The following PARP16 variants were observed in gnomAD, a reference collection of about 807,000 sequenced individuals.
The protein encoded by PARP16 is protein mono-ADP-ribosyltransferase PARP16.
Under a neutral mutation model 35.0 loss-of-function variants are expected in PARP16, and 31 were observed. The observed-to-expected ratio is 0.88, with a 90% CI of 0.66 to 1.19. The LOEUF (loss-of-function observed/expected upper bound fraction) is 1.19. Ranked by LOEUF, PARP16 falls within the 50% of genes most tolerant of loss-of-function variation. The pLI, the probability that PARP16 is intolerant of heterozygous loss-of-function variation, is 0.00. For missense variants in PARP16, 424 were observed against 411.2 expected (o/e 1.03, Z -0.27); for synonymous variants, 162 against 169.5 (o/e 0.96, Z 0.34).
chr15:65,266,444 C>T (rs1365997720), intron 3 of PARP16, 118 bp downstream of exon 3: 15 of 762,276 alleles, frequency 2.0e-5, no homozygotes, highest in Admixed American at 8.8e-5. Flanking sequence ...AGTGAGAAGG[C>T]GTTAGTAAAC....
At chr15:65,263,726 G>A (rs1377850606) in intron 3 of PARP16, among the ~76,000 whole-genome samples, 8 of 152,242 alleles carry the variant, frequency 5.3e-5, no homozygotes, top group African/African-American at 1.7e-4. Flanking sequence ...AAGGTTGCCA[G>A]TGAGGATTAA....
At chr15:65,283,297 T>C (rs1250943793) in intron 1 of PARP16, among the ~76,000 whole-genome samples, 1 of 151,942 alleles carries the variant, frequency 6.6e-6, no homozygotes, top group Non-Finnish European at 1.5e-5. Flanking sequence ...AAAAGCTGCA[T>C]TGTGAGTTTG....
intron 1 of PARP16, among the ~76,000 whole-genome samples, chr15:65,278,137 G>A (rs776000501): frequency 6.6e-6 from 1 of 152,130 alleles, no homozygotes; most frequent in African/African-American, 2.4e-5. Flanking sequence ...TGTCCCCCAG[G>A]GCCCGAGAGG....
chr15:65,266,503 C>G, intron 3 of PARP16, 59 bp downstream of exon 3: 1 of 1,419,922 alleles, frequency 7.0e-7, no homozygotes, highest in African/African-American at 1.4e-5. Context: ...CTCCCCCTCC[C>G]CACTCTCCCA....
At chr15:65,240,768 A>G (rs2089052084) in intron 3 of PARP16, among the ~76,000 whole-genome samples, 1 of 152,156 alleles carries the variant, frequency 6.6e-6, no homozygotes, top group Admixed American at 6.5e-5. Context: ...GTAAATACCT[A>G]GGAGAGAAGT....
intron 3 of PARP16, among the ~76,000 whole-genome samples, chr15:65,247,642 C>G (rs557667029): frequency 4.6e-5 from 7 of 152,198 alleles, no homozygotes; most frequent in African/African-American, 1.4e-4. Context: ...CCTCTCACCA[C>G]CCCAGCCTGT....
intron 2 of PARP16, among the ~76,000 whole-genome samples, chr15:65,269,056 T>G (rs1025404138): frequency 1.3e-5 from 2 of 151,756 alleles, no homozygotes; most frequent in Non-Finnish European, 2.9e-5. Flanking sequence ...GAGTTTAGTA[T>G]TATTTGGAAT....
chr15:65,246,527 C>G (rs1176068798), intron 3 of PARP16, among the ~76,000 whole-genome samples: 2 of 152,242 alleles, frequency 1.3e-5, no homozygotes, highest in African/African-American at 4.8e-5. Context: ...GCTGGTCAGG[C>G]AGGCACAGAC....
chr15:65,241,139 CTTTT>C (rs34888317), intron 3 of PARP16, among the ~76,000 whole-genome samples: 5 of 127,754 alleles, frequency 3.9e-5, no homozygotes, highest in Non-Finnish European at 4.9e-5. Flanking sequence ...CCTGTCCAAA[CTTTT>C]TTTTTTTTTT....
chr15:65,254,006 AG>A (rs1358442179), downstream of PARP16, among the ~76,000 whole-genome samples: 1 of 151,828 alleles, frequency 6.6e-6, no homozygotes, highest in Non-Finnish European at 1.5e-5. Flanking sequence ...TTAGTAGAGA[AG>A]GGGTTTCACC....
intron 3 of PARP16, among the ~76,000 whole-genome samples, chr15:65,263,662 CTCTG>C (rs2089808358): frequency 6.6e-6 from 1 of 152,116 alleles, no homozygotes; most frequent in Non-Finnish European, 1.5e-5. Context: ...TATATAAACT[CTCTG>C]TGTCTCAGTT....
chr15:65,244,499 G>A (rs545990911), intron 3 of PARP16, among the ~76,000 whole-genome samples: 5 of 152,236 alleles, frequency 3.3e-5, no homozygotes, highest in South Asian at 4.1e-4. Context: ...ATCAGATCTC[G>A]TGAGACTTAT....
chr15:65,246,018 A>T (rs2089200517), intron 3 of PARP16, among the ~76,000 whole-genome samples: 1 of 152,058 alleles, frequency 6.6e-6, no homozygotes, highest in African/African-American at 2.4e-5. Flanking sequence ...TAACTCTTAG[A>T]GCTGAGAGAA....
chr15:65,286,559 G>A lies in PARP16; in HGVS notation c.-133C>T, dbSNP rs987072764. ...GTTCCCAAGCCTGGGGTGGAGCTAG[G>A]CAGGGGGCTGAGATGACAGGGGTGA... On this transcript the variant is annotated 5_prime_UTR_variant, in exon 1 of 6. Transcript: ENST00000649807. 3.2e-6 allele frequency: 2 copies of A among 615,870 alleles called. No individual in the cohort carries two copies. Among genetic ancestry groups the A allele is most frequent in the South Asian group, 2.3e-5 (1 of 43,352 alleles). The allele number at this position is 615,870 out of a possible 1,614,324, so 38.2% of individuals were successfully genotyped here. A position where few individuals can be genotyped will look rare whatever the true frequency, so the allele number is the denominator to read the frequency against.
intron 3 of PARP16, among the ~76,000 whole-genome samples, chr15:65,243,586 G>A (rs963295433): frequency 6.6e-6 from 1 of 152,140 alleles, no homozygotes; most frequent in Non-Finnish European, 1.5e-5. Flanking sequence ...TCAGGGTAAG[G>A]CTGGCCTCAT....
At chr15:65,282,832 G>T (rs1407098931) in intron 1 of PARP16, among the ~76,000 whole-genome samples, 1 of 152,202 alleles carries the variant, frequency 6.6e-6, no homozygotes, top group Non-Finnish European at 1.5e-5. Flanking sequence ...CAAGGGAGAA[G>T]GGGGAGGATG....
intron 1 of PARP16, among the ~76,000 whole-genome samples, chr15:65,280,081 C>T (rs1047497435): frequency 1.3e-5 from 2 of 151,830 alleles, no homozygotes; most frequent in African/African-American, 2.4e-5. Flanking sequence ...AACGATCTTC[C>T]CCAGTTAATG....
chr15:65,271,519 CCT>C (rs1567032165), intron 1 of PARP16, among the ~76,000 whole-genome samples: 1 of 152,160 alleles, frequency 6.6e-6, no homozygotes, highest in Non-Finnish European at 1.5e-5. Context: ...AAGTGATCCC[CCT>C]GCCTCGGCCT....
rs1175718019 is a variant in PARP16 at position 65,286,246 on chromosome 15, C to T, written c.174+7G>A. ...CAGTGGGCAGCGCCAGGACAAAGCA[C>T]ACTCACCAGGGCTTCAAAGTCCTTA... On this transcript the variant is annotated splice_region_variant and intron_variant, in intron 1 of 5. Transcript: ENST00000649807. 2 of 1,560,106 alleles carry T rather than the reference C, an allele frequency of 1.3e-6. No homozygotes were observed. Among genetic ancestry groups the T allele is most frequent in the East Asian group, 2.4e-5 (1 of 40,914 alleles).
Sources: allele counts gnomAD v4.1 joint callset (sites outside exome capture counted in the v4.1 genomes callset), GRCh38; gene constraint gnomAD v4.1.1; transcripts MANE v1.5; gene names NCBI Gene and HGNC (gene_info 2026-07-23, HGNC 2026-07-21).